The following SLC19A1 variants were observed in gnomAD, a reference collection of about 807,000 sequenced individuals.
The protein encoded by SLC19A1 is solute carrier family 19 member 1.
SLC19A1 carries 37 observed loss-of-function variants against 35.3 expected under a neutral mutation model. That is an observed-to-expected ratio of 1.05 (90% CI 0.81 to 1.38). The LOEUF (loss-of-function observed/expected upper bound fraction) is 1.38, where lower values mean the gene tolerates loss of function less well. Among genes scored for constraint, SLC19A1 ranks in the 40% most tolerant of loss-of-function variants. The pLI is 0.00. For synonymous variants in SLC19A1, 460 were observed against 398.5 expected, an observed-to-expected ratio of 1.15 and a Z score of -1.84; for missense variants, 831 against 826.9, an observed-to-expected ratio of 1.00 and a Z score of -0.06.
At chr21:45,559,497 A>G (rs1372095144) in intron 1 of SLC19A1, among the ~76,000 whole-genome samples, 2 of 152,132 alleles carry the variant, frequency 1.3e-5, no homozygotes, top group Non-Finnish European at 2.9e-5. Context: ...ACTTGCAAAG[A>G]TTTGCTAAGA....
intron 1 of SLC19A1, among the ~76,000 whole-genome samples, chr21:45,539,284 G>C (rs548580734): frequency 6.6e-6 from 1 of 152,236 alleles, no homozygotes; most frequent in African/African-American, 2.4e-5. Flanking sequence ...GCCTGGCAGA[G>C]TGCACGTGGA....
In SLC19A1 at chr21:45,515,545, C is replaced by T. The variant is rs1450900183; in HGVS notation, c.*113G>A. 1 of 1,545,248 alleles carries T rather than the reference C, an allele frequency of 6.5e-7. No individual in the cohort carries two copies. The highest frequency in any genetic ancestry group is 1.4e-5 in the African/African-American group (1 of 72,442). On this transcript the variant is annotated 3_prime_UTR_variant, in exon 6 of 6. Transcript: ENST00000311124. ...CAGGGCAGGGGGAATCCTAGGGGGCCTGCTAGCAGGATAAGCGGAGGCCCC... is the reference window on the plus strand; with the variant it reads ...CAGGGCAGGGGGAATCCTAGGGGGCTTGCTAGCAGGATAAGCGGAGGCCCC...
At chr21:45,516,314 C>CT (rs1555879339) in intron 5 of SLC19A1, among the ~76,000 whole-genome samples, 174 bp from the exon 6 acceptor site, 3 of 45,886 alleles carry the variant, frequency 6.5e-5, no homozygotes, top group Non-Finnish European at 1.4e-4. Context: ...CTCACCACAG[C>CT]CCCCCCGACC....
At chr21:45,556,599 C>T (rs927226110) in intron 1 of SLC19A1, among the ~76,000 whole-genome samples, 5 of 152,238 alleles carry the variant, frequency 3.3e-5, no homozygotes, top group Non-Finnish European at 7.3e-5. Flanking sequence ...CTCAAAACAC[C>T]GTGCAGACGA....
chr21:45,531,667 G>A lies in SLC19A1; in HGVS notation c.671C>T (p.Ala224Val), dbSNP rs1274850312. The change falls in exon 3 of 6, where the codon GCT becomes GTT. Residue 224 changes from alanine (A) to valine (V), a missense_variant. Coordinates refer to ENST00000311124, the MANE Select transcript of SLC19A1 (RefSeq NM_194255.4). ...RDDRGRCETS[A>V]SELERMNPGP... ...AGGATTCATGCGCTCCAGCTCCGAA[G>A]CCGAGGTTTCGCACCGCCCCCGGTC... The A allele has an allele frequency of 1.2e-6, 2 of 1,612,392 alleles. No individual in the cohort carries two copies. The highest frequency in any genetic ancestry group is 1.7e-5 in the Admixed American group (1 of 59,994).
intron 3 of SLC19A1, among the ~76,000 whole-genome samples, chr21:45,503,176 C>T (rs1268709319): frequency 6.6e-6 from 1 of 152,196 alleles, no homozygotes; most frequent in Non-Finnish European, 1.5e-5. Flanking sequence ...AACTAGTTTA[C>T]AGTCCCACCA....
chr21:45,508,227 T>TAGTGGGTA (rs536165171), downstream of SLC19A1, among the ~76,000 whole-genome samples: 22 of 130,970 alleles, frequency 1.7e-4, no homozygotes, highest in African/African-American at 6.5e-4. Context: ...GGTGGGTGGA[T>TAGTGGGTA]AGTGGGTAAG....
intron 3 of SLC19A1, chr21:45,506,026 C>T (rs2037183974): frequency 1.2e-6 from 2 of 1,611,186 alleles, no homozygotes; most frequent in Non-Finnish European, 1.7e-6. Flanking sequence ...CCTCCTGGGG[C>T]TTAAGGAAGG....
At chr21:45,558,141 C>T (rs1046595976) in intron 1 of SLC19A1, among the ~76,000 whole-genome samples, 4 of 152,250 alleles carry the variant, frequency 2.6e-5, no homozygotes, top group African/African-American at 9.6e-5. Flanking sequence ...AGACTGGAGG[C>T]GGCTTCTGAA....
At chr21:45,525,650 T>C (rs1602748608) in intron 5 of SLC19A1, among the ~76,000 whole-genome samples, 167 bp downstream of exon 5, 1 of 152,310 alleles carries the variant, frequency 6.6e-6, no homozygotes, top group East Asian at 1.9e-4. Context: ...AGGGTCTCTC[T>C]CACTTCCTGC....
chr21:45,523,018 C>T (rs1017580848), intron 5 of SLC19A1, among the ~76,000 whole-genome samples: 3 of 152,054 alleles, frequency 2.0e-5, no homozygotes, highest in African/African-American at 7.3e-5. Context: ...TATTAAACAG[C>T]ATGTGAATAT....
At chr21:45,527,974 T>C (rs1602773067) in intron 4 of SLC19A1, among the ~76,000 whole-genome samples, 1 of 143,788 alleles carries the variant, frequency 7.0e-6, no homozygotes, top group Admixed American at 6.9e-5. Context: ...GGACAAAAAA[T>C]GTCCTAAAGT....
At chr21:45,509,282 AGAGGAGGACACAGATG>A, downstream of SLC19A1, 3 of 1,528,262 alleles carry the variant, frequency 2.0e-6, no homozygotes, top group South Asian at 3.6e-5. Context: ...CACCCAGCCC[AGAGGAGGACACAGATG>A]GAGGAGGGGC....
intron 5 of SLC19A1, among the ~76,000 whole-genome samples, chr21:45,524,083 G>A (rs888685441): frequency 3.2e-4 from 48 of 151,546 alleles, no homozygotes; most frequent in Admixed American, 2.6e-3. Flanking sequence ...CCTGGGCTTC[G>A]GAGGCTCACC....
intron 1 of SLC19A1, among the ~76,000 whole-genome samples, chr21:45,555,651 G>A (rs144287146): frequency 0.018 from 2,660 of 151,510 alleles, 32 homozygotes; most frequent in Non-Finnish European, 0.026. Flanking sequence ...GCGGGGCGGG[G>A]CGGGGCGGCC....
intron 1 of SLC19A1, among the ~76,000 whole-genome samples, chr21:45,550,331 C>G (rs960110445): frequency 6.6e-6 from 1 of 152,160 alleles, no homozygotes. Context: ...TTCTCTCCAG[C>G]CCCCACAGAC....
chr21:45,549,181 A>C (rs990164754), upstream of SLC19A1, among the ~76,000 whole-genome samples: 1 of 152,230 alleles, frequency 6.6e-6, no homozygotes, highest in Non-Finnish European at 1.5e-5. Context: ...TCCACATAAC[A>C]GGGACTACTC....
chr21:45,541,570 TGGCTTTCCTGCTGTAGCGGTGTTGGAA>T (rs2078304907), intron 1 of SLC19A1, among the ~76,000 whole-genome samples: 1 of 152,226 alleles, frequency 6.6e-6, no homozygotes, highest in African/African-American at 2.4e-5. Flanking sequence ...CCTAGGGGGA[TGGCTTTCCTGCTGTAGCGGTGTTGGAA>T]GGACCCACTC....
intron 4 of SLC19A1, among the ~76,000 whole-genome samples, chr21:45,529,009 A>G (rs1376998925): frequency 6.6e-6 from 1 of 152,248 alleles, no homozygotes; most frequent in East Asian, 1.9e-4. Context: ...GGACAGCACA[A>G]TGGCAGAGGC....
Sources: gnomAD v4.1 joint callset for allele counts (sites outside exome capture counted in the v4.1 genomes callset) on GRCh38, gnomAD v4.1.1 for gene constraint, MANE v1.5 for transcripts, NCBI Gene and HGNC (gene_info 2026-07-23, HGNC 2026-07-21) for gene names.